The following AGMO variants were observed in gnomAD, a reference collection of about 807,000 sequenced individuals.
AGMO encodes alkylglycerol monooxygenase, also known as glyceryl-ether monooxygenase.
In AGMO, 75 loss-of-function variants were observed where a neutral mutation model predicts 60.2. That is an observed-to-expected ratio of 1.25 (90% CI 1.03 to 1.51). The LOEUF (loss-of-function observed/expected upper bound fraction) is 1.51, where lower values mean the gene tolerates loss of function less well. Among genes scored for constraint, AGMO ranks in the 40% most tolerant of loss-of-function variants. The pLI is 0.00. For missense variants in AGMO, 763 were observed against 525.5 expected, an observed-to-expected ratio of 1.45 and a Z score of -4.42; for synonymous variants, 261 against 177.1, an observed-to-expected ratio of 1.47 and a Z score of -3.76.
At chr7:15,471,799 G>A (rs1221145118) in intron 3 of AGMO, among the ~76,000 whole-genome samples, 1 of 151,688 alleles carries the variant, frequency 6.6e-6, no homozygotes. Flanking sequence ...CTTCCACAAG[G>A]TACAGCTCTT....
chr7:15,117,631 T>C, the AGMO span, among the ~76,000 whole-genome samples: 1 of 151,992 alleles, frequency 6.6e-6, no homozygotes, highest in East Asian at 1.9e-4. Context: ...ATGACACCTA[T>C]AATACCCATG....
At chr7:15,380,805 A>G (rs1783651518) in intron 10 of AGMO, among the ~76,000 whole-genome samples, 1 of 152,220 alleles carries the variant, frequency 6.6e-6, no homozygotes. Flanking sequence ...CAGTAACCAA[A>G]GCAGCATGGT....
intron 5 of AGMO, among the ~76,000 whole-genome samples, chr7:15,412,810 C>T (rs528735777): frequency 6.6e-6 from 1 of 151,224 alleles, no homozygotes; most frequent in South Asian, 2.1e-4. Flanking sequence ...ATGTATAAGT[C>T]AAAGTCTCCA....
chr7:15,409,793 G>T (rs1400784781), intron 5 of AGMO, among the ~76,000 whole-genome samples: 1 of 151,774 alleles, frequency 6.6e-6, no homozygotes, highest in Non-Finnish European at 1.5e-5. Flanking sequence ...TAGTGTAGTA[G>T]ATTAGAGCAA....
At chr7:15,456,720 T>C (rs1042065209) in intron 3 of AGMO, among the ~76,000 whole-genome samples, 2 of 152,182 alleles carry the variant, frequency 1.3e-5, no homozygotes, top group African/African-American at 4.8e-5. Flanking sequence ...GATGCACATG[T>C]GGTTTCTAAT....
At chr7:15,419,230 A>G (rs953141196) in intron 4 of AGMO, among the ~76,000 whole-genome samples, 3 of 151,904 alleles carry the variant, frequency 2.0e-5, no homozygotes, top group African/African-American at 7.2e-5. Context: ...TGGTGAAAAA[A>G]ATTTTAAAGG....
chr7:15,268,964 G>A (rs750593483), intron 12 of AGMO, among the ~76,000 whole-genome samples: 4 of 152,040 alleles, frequency 2.6e-5, no homozygotes, highest in Non-Finnish European at 4.4e-5. Context: ...AACAAACAAT[G>A]AGGCCAGTAG....
At chr7:15,223,735 T>G (rs1781989598) in intron 12 of AGMO, among the ~76,000 whole-genome samples, 1 of 151,996 alleles carries the variant, frequency 6.6e-6, no homozygotes, top group South Asian at 2.1e-4. Flanking sequence ...ATTTTTCCTA[T>G]ATCTTTATTA....
intron 12 of AGMO, among the ~76,000 whole-genome samples, chr7:15,218,831 C>T (rs6977610): frequency 0.24 from 36,104 of 151,862 alleles, 4,906 homozygotes; most frequent in African/African-American, 0.36. Flanking sequence ...GTAGAAAAGA[C>T]AGGCCTGACT....
chr7:15,377,897 T>C (rs1391755450), intron 10 of AGMO, among the ~76,000 whole-genome samples: 7 of 152,022 alleles, frequency 4.6e-5, no homozygotes, highest in Admixed American at 3.9e-4. Flanking sequence ...CCAAGCGTAA[T>C]GTGGTTCATG....
intron 8 of AGMO, among the ~76,000 whole-genome samples, chr7:15,388,848 C>G (rs1356853503): frequency 6.6e-6 from 1 of 152,102 alleles, no homozygotes. Flanking sequence ...ACATTTCTGA[C>G]AATGTAAGTA....
intron 4 of AGMO, among the ~76,000 whole-genome samples, chr7:15,420,267 T>C (rs1290105883): frequency 6.6e-6 from 1 of 152,116 alleles, no homozygotes; most frequent in Non-Finnish European, 1.5e-5. Flanking sequence ...ACAGGTCTTT[T>C]AAGAGCTTTT....
chr7:15,385,295 T>C (rs1783866561), intron 10 of AGMO, 151 bp downstream of exon 10: 4 of 543,132 alleles, frequency 7.4e-6, no homozygotes, highest in Non-Finnish European at 1.3e-5. Flanking sequence ...TCTAGAAGAT[T>C]TGTTTTACCT....
chr7:15,222,577 T>C (rs1313302691), intron 12 of AGMO, among the ~76,000 whole-genome samples: 1 of 152,084 alleles, frequency 6.6e-6, no homozygotes. Flanking sequence ...TATATTTCTT[T>C]ATAGAAGAAA....
intron 10 of AGMO, among the ~76,000 whole-genome samples, chr7:15,378,391 T>A (rs549850199): frequency 4.6e-5 from 7 of 152,166 alleles, no homozygotes; most frequent in African/African-American, 1.7e-4. Context: ...TGGTTTAATG[T>A]CTGTTTTGTC....
chr7:15,398,273 AT>A (rs1048248016), intron 5 of AGMO, among the ~76,000 whole-genome samples: 5 of 150,816 alleles, frequency 3.3e-5, no homozygotes, highest in Admixed American at 6.6e-5. Context: ...TGAGTGCACT[AT>A]TTTTTTTTAA....
intron 12 of AGMO, among the ~76,000 whole-genome samples, chr7:15,233,550 GTT>G (rs113478897): frequency 4.7e-5 from 7 of 148,500 alleles, no homozygotes; most frequent in South Asian, 2.1e-4. Flanking sequence ...ACAGAGAGTT[GTT>G]TTTTTTTTTC....
At chr7:15,300,048 A>G (rs2128525645) in intron 12 of AGMO, among the ~76,000 whole-genome samples, 1 of 152,266 alleles carries the variant, frequency 6.6e-6, no homozygotes, top group Non-Finnish European at 1.5e-5. Flanking sequence ...AAATATTTCC[A>G]TCTTGACAGG....
At chr7:15,200,255 A>G (rs983038746), downstream of AGMO, 2 of 152,178 alleles carry the variant, frequency 1.3e-5, no homozygotes, top group Admixed American at 1.3e-4. Context: ...TATCCCTGTC[A>G]GTTCCCTCCT....
Sources: gnomAD v4.1 joint callset for allele counts (sites outside exome capture counted in the v4.1 genomes callset) on GRCh38, gnomAD v4.1.1 for gene constraint, MANE v1.5 for transcripts, NCBI Gene and HGNC (gene_info 2026-07-23, HGNC 2026-07-21) for gene names.